EIF3D: variants seen among roughly 807,000 people sequenced by gnomAD.
The protein encoded by EIF3D is eukaryotic translation initiation factor 3 subunit D, also known as eIF3 p66.
Under a neutral mutation model 75.4 loss-of-function variants are expected in EIF3D, and 10 were observed. That is an observed-to-expected ratio of 0.13 (90% CI 0.08 to 0.22). EIF3D has a LOEUF of 0.22. EIF3D is among the 10% of genes least tolerant of loss of function. The pLI, the probability that EIF3D is intolerant of heterozygous loss-of-function variation, is 1.00. For synonymous variants in EIF3D, 246 were observed against 248.3 expected, an observed-to-expected ratio of 0.99 and a Z score of 0.09; for missense variants, 394 against 708.0, an observed-to-expected ratio of 0.56 and a Z score of 5.03.
rs146392043 is a variant in EIF3D at position 36,523,967 on chromosome 22, C to T, written c.320G>A (p.Arg107Lys). ...RMRFAQRNLR[R>K]DKDRRNMLQF... ...CAACATGTTCCGACGATCTTTGTCT[C>T]TGCGGAGGTTCCTCTGGGCATCAGC... Residue 107 changes from arginine (R) to lysine (K), a missense_variant, in exon 5 of 15, where the codon AGA becomes AAA. Coordinates refer to ENST00000216190, the MANE Select transcript of EIF3D (RefSeq NM_003753.4). 2 of 1,613,994 alleles carry T rather than the reference C, an allele frequency of 1.2e-6. No homozygotes were observed. The highest frequency in any genetic ancestry group is 1.3e-5 in the African/African-American group (1 of 74,904).
chr22:36,513,229 CAG>C (rs1738630419), intron 12 of EIF3D, among the ~76,000 whole-genome samples: 1 of 152,158 alleles, frequency 6.6e-6, no homozygotes, highest in African/African-American at 2.4e-5. Context: ...GGTCACATGA[CAG>C]AGGTTCCCAA....
Position 36,511,016 on chromosome 22 carries a change from A to C in EIF3D, c.1634-16T>G. The C allele has an allele frequency of 6.2e-7, 1 of 1,607,040 alleles. No homozygotes were observed. Among genetic ancestry groups the C allele is most frequent in the Non-Finnish European group, 8.5e-7 (1 of 1,177,702 alleles). ...GTTTCTTCCTCTGAAAGACACAAAA[A>C]ATGTAAGAGAAATGAGCCAGGTTGT... On this transcript the variant is annotated splice_polypyrimidine_tract_variant and intron_variant, in intron 14 of 14. Transcript: ENST00000216190.
intron 10 of EIF3D, 150 bp downstream of exon 10, chr22:36,517,151 A>G (rs1934439717): frequency 9.7e-7 from 1 of 1,034,032 alleles, no homozygotes; most frequent in South Asian, 1.5e-5. Context: ...CCTAACATCC[A>G]AGCCCAGGCA....
At chr22:36,514,873 G>C (rs532201603) in intron 12 of EIF3D, among the ~76,000 whole-genome samples, 1 of 152,186 alleles carries the variant, frequency 6.6e-6, no homozygotes, top group Admixed American at 6.5e-5. Context: ...GTTGGAGGAG[G>C]AGCATGGTGG....
At chr22:36,515,780 A>G (rs1442635806) in intron 12 of EIF3D, among the ~76,000 whole-genome samples, 1 of 151,996 alleles carries the variant, frequency 6.6e-6, no homozygotes, top group Non-Finnish European at 1.5e-5. Context: ...GCAAAACGAC[A>G]CAGGCACGAC....
rs949970476 is a variant in EIF3D at position 36,523,399 on chromosome 22, A to G, written c.393-118T>C. 22 of 791,518 alleles carry G rather than the reference A, an allele frequency of 2.8e-5. No homozygotes were observed. The African/African-American group carries it at 2.9e-4, about 11-fold the overall frequency. 49.0% of individuals were successfully genotyped at this position (791,518 alleles called of 1,614,324 possible). On this transcript the variant is annotated intron_variant, in intron 5 of 14. Transcript: ENST00000216190. ...CCATCACCACTAACTCCTTTAAACTACGAAAAATGGGCTTAGAGAAAGGAA... is the reference window on the plus strand; with the variant it reads ...CCATCACCACTAACTCCTTTAAACTGCGAAAAATGGGCTTAGAGAAAGGAA...
intron 8 of EIF3D, 97 bp from the exon 9 acceptor site, chr22:36,519,007 A>T (rs1239932771): frequency 6.8e-7 from 1 of 1,481,018 alleles, no homozygotes; most frequent in Non-Finnish European, 9.1e-7. Flanking sequence ...GACCACATAA[A>T]TCCTTAATAA....
At position 36,510,957 on chromosome 22, in the gene EIF3D, A is replaced by C. The variant is rs760273125; in HGVS notation, c.*30T>G. 6.3e-7 allele frequency: 1 copy of C among 1,588,776 alleles called. No homozygotes were observed. The highest frequency in any genetic ancestry group is 1.9e-5 in the Admixed American group (1 of 54,020). ...TCAAAGGCCCTCGTAGTCTCGGTGGAAGGACAAACTCCAGCTCCACATCAC... is the reference window on the plus strand; with the variant it reads ...TCAAAGGCCCTCGTAGTCTCGGTGGCAGGACAAACTCCAGCTCCACATCAC... On this transcript the variant is annotated 3_prime_UTR_variant, in exon 15 of 15. Transcript: ENST00000216190.
chr22:36,524,495 T>C, intron 4 of EIF3D, 101 bp downstream of exon 4: 1 of 1,536,422 alleles, frequency 6.5e-7, no homozygotes, highest in South Asian at 1.2e-5. Context: ...ACCTATAATA[T>C]GCTTCCCTCT....
intron 5 of EIF3D, 31 bp downstream of exon 5, chr22:36,523,864 G>A: frequency 1.2e-6 from 2 of 1,600,350 alleles, no homozygotes; most frequent in East Asian, 2.2e-5. Flanking sequence ...TCTGGGAAGG[G>A]TGTCTTGTTC....
intron 9 of EIF3D, 71 bp from the exon 10 acceptor site, chr22:36,517,502 A>G (rs1378563622): frequency 1.4e-5 from 21 of 1,484,584 alleles, no homozygotes; most frequent in African/African-American, 2.8e-5. Flanking sequence ...CGCTGTGGGG[A>G]GATGTGGAGA....
rs1347907431 is a variant in EIF3D, at chr22:36,516,689, C to T, written c.1076+16G>A. 5.6e-6 allele frequency: 9 copies of T among 1,614,228 alleles called. No individual in the cohort carries two copies. The highest frequency in any genetic ancestry group is 1.3e-5 in the African/African-American group (1 of 75,066). ...GCTCCAGTCTGGCCACAATACCCAC[C>T]AGAGAGGTGACCTACCGGTACGCAA... On this transcript the variant is annotated intron_variant, in intron 11 of 14. Coordinates refer to ENST00000216190, the MANE Select transcript of EIF3D (RefSeq NM_003753.4).
chr22:36,516,365 ATAAG>A, intron 12 of EIF3D, 109 bp downstream of exon 12: 1 of 1,328,470 alleles, frequency 7.5e-7, no homozygotes, highest in South Asian at 1.4e-5. Flanking sequence ...AGGTAGCTCT[ATAAG>A]TAACGAAAGG....
At chr22:36,513,773 T>A (rs1413548768) in intron 12 of EIF3D, among the ~76,000 whole-genome samples, 3 of 152,170 alleles carry the variant, frequency 2.0e-5, no homozygotes, top group Non-Finnish European at 4.4e-5. Context: ...GAGTTCAGGA[T>A]TTGAACTCAT....
chr22:36,514,532 C>G (rs1346451713), intron 12 of EIF3D, among the ~76,000 whole-genome samples: 1 of 152,066 alleles, frequency 6.6e-6, no homozygotes, highest in South Asian at 2.1e-4. Flanking sequence ...GTGTAGAGGT[C>G]GGAGACGGAG....
chr22:36,511,840 C>A (rs1934342629), intron 13 of EIF3D, 54 bp from the exon 14 acceptor site: 1 of 1,580,376 alleles, frequency 6.3e-7, no homozygotes, highest in Non-Finnish European at 8.6e-7. Flanking sequence ...GAGACAGCAA[C>A]ACTTGGGATC....
In EIF3D at chr22:36,524,576, G is replaced by T. The variant is rs1346544041; in HGVS notation, c.306+20C>A. The T allele has an allele frequency of 3.7e-6, 6 of 1,613,894 alleles. No homozygotes were observed. The African/African-American group carries it at 8.0e-5, about 22-fold the overall frequency. ...ACAGTAACAGCCCCAAGATGGTGTGGTTGCTGGCTCTTGGCCTACCTGGGC... is the reference window on the plus strand; with the variant it reads ...ACAGTAACAGCCCCAAGATGGTGTGTTTGCTGGCTCTTGGCCTACCTGGGC... On this transcript the variant is annotated intron_variant, in intron 4 of 14. Transcript: ENST00000216190.
chr22:36,520,506 G>T, intron 7 of EIF3D, 70 bp downstream of exon 7: 1 of 1,110,500 alleles, frequency 9.0e-7, no homozygotes. Context: ...TAGGGCTTAA[G>T]AAAATACCCA....
chr22:36,513,299 ATTT>A (rs997681770), intron 12 of EIF3D, among the ~76,000 whole-genome samples: 1 of 151,740 alleles, frequency 6.6e-6, no homozygotes, highest in Non-Finnish European at 1.5e-5. Context: ...TTTCTTTTAA[ATTT>A]TTTTTCTTTT....
Sources: allele counts gnomAD v4.1 joint callset (sites outside exome capture counted in the v4.1 genomes callset), GRCh38; gene constraint gnomAD v4.1.1; transcripts MANE v1.5; gene names NCBI Gene and HGNC (gene_info 2026-07-23, HGNC 2026-07-21).